Variants in IL1RL1 observed in about 807,000 individuals in gnomAD.
The protein encoded by IL1RL1 is interleukin 1 receptor like 1.
A neutral mutation model predicts 50.9 loss-of-function variants in IL1RL1; 32 were observed. That is an observed-to-expected ratio of 0.63 (90% CI 0.47 to 0.84). The LOEUF (loss-of-function observed/expected upper bound fraction) is 0.84. IL1RL1 is among the 40% of genes least tolerant of loss of function. The pLI, the probability that IL1RL1 is intolerant of heterozygous loss-of-function variation, is 0.00. For synonymous variants in IL1RL1, 275 were observed against 236.0 expected (o/e 1.17, Z -1.51); for missense variants, 773 against 662.9 (o/e 1.17, Z -1.82).
Position 102,340,175 on chromosome 2 carries a change from T to C in IL1RL1, c.350T>C (p.Leu117Ser), listed in dbSNP as rs913247382. 3.1e-6 allele frequency: 5 copies of C among 1,601,810 alleles called. No individual in the cohort carries two copies. Among genetic ancestry groups the C allele is most frequent in the Non-Finnish European group, 3.4e-6 (4 of 1,174,490 alleles). The change falls in exon 4 of 11, where the codon TTG becomes TCG. Residue 117 changes from leucine (L) to serine (S), a missense_variant. Transcript: ENST00000233954. ...KQSDCNVPDY[L>S]MYSTVSGSEK... Reference sequence around the variant, plus strand: ...TCAGATTGCAATGTTCCAGATTATTTGATGTATTCAACAGTATCTGGATCA... The same window carrying C: ...TCAGATTGCAATGTTCCAGATTATTCGATGTATTCAACAGTATCTGGATCA...
chr2:102,349,983 C>G (rs929722088), intron 10 of IL1RL1, among the ~76,000 whole-genome samples: 1 of 152,072 alleles, frequency 6.6e-6, no homozygotes, highest in Non-Finnish European at 1.5e-5. Context: ...ACTCATTTTA[C>G]TAAGAAGAGG....
rs150790984 is a variant in IL1RL1, at chr2:102,326,653, G to A, written c.-149-11463G>A. 5.4e-4 allele frequency among the ~76,000 whole-genome samples: 80 copies of A among 147,228 alleles called. 1 individual carries two copies. Among genetic ancestry groups the A allele is most frequent in the African/African-American group, 1.4e-3 (56 of 39,164 alleles). Reference sequence around the variant, plus strand: ...CATAGACTCAAAATAAAGGGATGGCGGAAGATCTACCAAGCAAATGGAAAA... The same window carrying A: ...CATAGACTCAAAATAAAGGGATGGCAGAAGATCTACCAAGCAAATGGAAAA... On this transcript the variant is annotated intron_variant, in intron 1 of 10. Transcript: ENST00000233954.
intron 9 of IL1RL1, 43 bp downstream of exon 9, chr2:102,348,134 CATA>C (rs747194958): frequency 6.6e-7 from 1 of 1,517,930 alleles, no homozygotes; most frequent in East Asian, 2.3e-5. Context: ...GAAAAAGTCC[CATA>C]ATAACTGTTG....
In IL1RL1 at chr2:102,351,864, A is replaced by T; in HGVS notation, c.1614A>T (p.Pro538=). The T allele has an allele frequency of 6.2e-7, 1 of 1,613,934 alleles. No homozygotes were observed. Among genetic ancestry groups the T allele is most frequent in the Non-Finnish European group, 8.5e-7 (1 of 1,179,918 alleles). ...WKHVRYQMPV[P]SKIPRKASSL... is the part of the protein sequence containing the mutation. ...ACGTGAGGTACCAAATGCCTGTGCC[A>T]AGCAAAATTCCCAGAAAGGCCTCTA... The change falls in exon 11 of 11, where the codon CCA becomes CCT. Residue 538 remains proline, a synonymous_variant. Transcript: ENST00000233954.
intron 1 of IL1RL1, among the ~76,000 whole-genome samples, chr2:102,327,332 A>T (rs1454838566): frequency 6.6e-6 from 1 of 151,846 alleles, no homozygotes; most frequent in African/African-American, 2.4e-5. Context: ...ACATACCAGA[A>T]TCTCTGGGAC....
intron 2 of IL1RL1, 67 bp from the exon 3 acceptor site, chr2:102,338,770 A>G (rs1677425877): frequency 8.3e-7 from 1 of 1,200,606 alleles, no homozygotes; most frequent in African/African-American, 1.5e-5. Context: ...GAAAATATTG[A>G]GAGTATAAGA....
chr2:102,328,049 C>T (rs1677063971), intron 1 of IL1RL1, among the ~76,000 whole-genome samples: 1 of 151,856 alleles, frequency 6.6e-6, no homozygotes, highest in Non-Finnish European at 1.5e-5. Context: ...AGAGACACAA[C>T]AAAAAAAGAG....
chr2:102,323,917 C>A (rs558843632), intron 1 of IL1RL1, among the ~76,000 whole-genome samples: 1 of 152,088 alleles, frequency 6.6e-6, no homozygotes, highest in African/African-American at 2.4e-5. Flanking sequence ...ACTGGCCTTG[C>A]AGTTTGGGAA....
chr2:102,326,804 C>T (rs1225456566), intron 1 of IL1RL1, among the ~76,000 whole-genome samples: 2 of 152,174 alleles, frequency 1.3e-5, no homozygotes, highest in Non-Finnish European at 2.9e-5. Context: ...GAAGAGCTAA[C>T]TATCCTAAAT....
rs115535933 is a variant in IL1RL1, at chr2:102,337,867, A to T, written c.-149-249A>T. Among the ~76,000 whole-genome samples the T allele has an allele frequency of 4.9e-4, 74 of 152,110 alleles. 1 individual carries two copies. The highest frequency in any genetic ancestry group is 1.8e-3 in the African/African-American group (73 of 41,482). Reference sequence around the variant, plus strand: ...ATTTAGTTTCTTTCAGGACATTCTCATGAGACTGGTGAAATATAACTGCGA... The same window carrying T: ...ATTTAGTTTCTTTCAGGACATTCTCTTGAGACTGGTGAAATATAACTGCGA... On this transcript the variant is annotated intron_variant, in intron 1 of 10. Transcript: ENST00000233954.
chr2:102,319,236 T>C (rs1252609540), intron 1 of IL1RL1, among the ~76,000 whole-genome samples: 5 of 152,254 alleles, frequency 3.3e-5, no homozygotes, highest in African/African-American at 1.2e-4. Flanking sequence ...ATAGAACACA[T>C]TTTGAAAACA....
intron 10 of IL1RL1, among the ~76,000 whole-genome samples, chr2:102,350,993 T>C (rs900720386): frequency 1.3e-5 from 2 of 152,312 alleles, no homozygotes; most frequent in Admixed American, 1.3e-4. Flanking sequence ...AGGGGATCTA[T>C]TGTCCCTTGA....
chr2:102,347,208 G>C (rs940208797), intron 8 of IL1RL1, among the ~76,000 whole-genome samples: 2 of 152,146 alleles, frequency 1.3e-5, no homozygotes, highest in Non-Finnish European at 2.9e-5. Flanking sequence ...CACCTTGTCC[G>C]TTCCTTTCTC....
intron 6 of IL1RL1, 45 bp downstream of exon 6, chr2:102,342,339 C>A: frequency 1.5e-6 from 2 of 1,333,730 alleles, no homozygotes; most frequent in South Asian, 1.2e-5. Flanking sequence ...CTGGAAAAAT[C>A]CTTCCATATG....
At chr2:102,350,028 A>G (rs1677885615) in intron 10 of IL1RL1, among the ~76,000 whole-genome samples, 1 of 152,220 alleles carries the variant, frequency 6.6e-6, no homozygotes, top group African/African-American at 2.4e-5. Flanking sequence ...GGTATGAACA[A>G]CAGGTGACTT....
chr2:102,329,059 GGAGGCATCAC>G (rs971205770), intron 1 of IL1RL1, among the ~76,000 whole-genome samples: 11 of 152,132 alleles, frequency 7.2e-5, no homozygotes, highest in African/African-American at 2.7e-4. Flanking sequence ...GAACAAAGCT[GGAGGCATCAC>G]GCTACCTGAC....
At chr2:102,320,977 C>T (rs113828341) in intron 1 of IL1RL1, among the ~76,000 whole-genome samples, 141 of 152,338 alleles carry the variant, frequency 9.3e-4, no homozygotes, top group African/African-American at 3.0e-3. Flanking sequence ...GTGACTCACT[C>T]GCAATCTAGT....
intron 1 of IL1RL1, among the ~76,000 whole-genome samples, chr2:102,330,566 G>T (rs1677148455): frequency 6.6e-6 from 1 of 152,160 alleles, no homozygotes; most frequent in South Asian, 2.1e-4. Context: ...TGTGCACTTT[G>T]TCCTGTGCTT....
At position 102,352,025 on chromosome 2, in the gene IL1RL1, G is replaced by A; in HGVS notation, c.*104G>A. 8.6e-7 allele frequency: 1 copy of A among 1,159,956 alleles called. No individual in the cohort carries two copies. The highest frequency in any genetic ancestry group is 1.2e-6 in the Non-Finnish European group (1 of 824,228). 71.9% of individuals were successfully genotyped at this position (1,159,956 alleles called of 1,614,324 possible). A position where few individuals can be genotyped will look rare whatever the true frequency, so the allele number is the denominator to read the frequency against. On this transcript the variant is annotated 3_prime_UTR_variant, in exon 11 of 11. Coordinates refer to ENST00000233954, the MANE Select transcript of IL1RL1 (RefSeq NM_016232.5). The stretch of plus-strand genomic sequence containing the variant: ...AGTGTGAGGAGCAGGAATATTAAAG[G>A]GATTCAGGCCTCAGGTTTCATCTGG...
Sources: allele counts gnomAD v4.1 joint callset (sites outside exome capture counted in the v4.1 genomes callset), GRCh38; gene constraint gnomAD v4.1.1; transcripts MANE v1.5; gene names NCBI Gene and HGNC (gene_info 2026-07-23, HGNC 2026-07-21).